Variants in NAA11 observed in about 807,000 individuals in gnomAD.
NAA11 encodes the protein N-alpha-acetyltransferase 11.
NAA11 carries 15 observed loss-of-function variants against 16.1 expected under a neutral mutation model. The observed-to-expected ratio is 0.93, with a 90% CI of 0.62 to 1.44. NAA11 has a LOEUF of 1.44. NAA11 is among the 40% of genes most tolerant of loss of function. NAA11 has a pLI of 0.00. For missense variants in NAA11, 298 were observed against 291.3 expected (o/e 1.02, Z -0.17); for synonymous variants, 122 against 112.4 (o/e 1.09, Z -0.54).
chr4:79,204,128 C>CT, the NAA11 span, among the ~76,000 whole-genome samples: 3 of 151,772 alleles, frequency 2.0e-5, no homozygotes, highest in South Asian at 6.2e-4. Flanking sequence ...AGCCCGCTTA[C>CT]TATATGACTT....
intron 2 of NAA11, among the ~76,000 whole-genome samples, chr4:79,226,602 C>G (rs144432842): frequency 0.014 from 1,886 of 131,362 alleles, 23 homozygotes; most frequent in Admixed American, 0.025. Context: ...CAACAGGCAC[C>G]AGTGGGTGAT....
chr4:79,185,533 A>G, the NAA11 span, among the ~76,000 whole-genome samples: 2 of 152,234 alleles, frequency 1.3e-5, no homozygotes. Flanking sequence ...ATGATCCTAT[A>G]ACTCTTTGGG....
intron 2 of NAA11, among the ~76,000 whole-genome samples, chr4:79,289,233 G>T (rs1210026989): frequency 1.3e-5 from 2 of 152,130 alleles, no homozygotes; most frequent in Non-Finnish European, 2.9e-5. Context: ...TCTCAGTTGT[G>T]ATTATAAAGC....
intron 2 of NAA11, among the ~76,000 whole-genome samples, chr4:79,274,478 T>G (rs1009611532): frequency 7.2e-5 from 11 of 152,098 alleles, no homozygotes; most frequent in Non-Finnish European, 1.3e-4. Flanking sequence ...AAGTTACTTG[T>G]TCTTAAAGGG....
the NAA11 span, among the ~76,000 whole-genome samples, chr4:79,156,313 A>ATGTG: frequency 3.4e-4 from 29 of 86,030 alleles, no homozygotes; most frequent in African/African-American, 6.8e-4. Context: ...ATGGGATGTG[A>ATGTG]TGTGTGTGTG....
intron 1 of NAA11, among the ~76,000 whole-genome samples, chr4:79,324,848 C>G (rs1054798650): frequency 5.3e-5 from 8 of 152,286 alleles, no homozygotes; most frequent in Admixed American, 4.6e-4. Flanking sequence ...ATCATTATTA[C>G]TAACTGGAAT....
chr4:79,293,808 T>A (rs1723146862), intron 2 of NAA11, among the ~76,000 whole-genome samples: 1 of 152,188 alleles, frequency 6.6e-6, no homozygotes, highest in Admixed American at 6.6e-5. Context: ...CCAAAATTCA[T>A]GTGTTGAAAA....
chr4:79,306,847 C>T (rs1311665033), intron 1 of NAA11: 1 of 152,140 alleles, frequency 6.6e-6, no homozygotes, highest in East Asian at 1.9e-4. Context: ...AGCAGCTGTT[C>T]AATGAACACA....
At chr4:79,318,217 T>TA (rs1218669909) in intron 1 of NAA11, among the ~76,000 whole-genome samples, 6 of 152,222 alleles carry the variant, frequency 3.9e-5, no homozygotes, top group African/African-American at 1.4e-4. Context: ...ATGAAAGGCC[T>TA]TTTTAGCTCT....
At chr4:79,224,660 G>T (rs932802855), downstream of NAA11, among the ~76,000 whole-genome samples, 8 of 152,080 alleles carry the variant, frequency 5.3e-5, no homozygotes, top group Non-Finnish European at 8.8e-5. Context: ...GAGTGCTCCA[G>T]AGAGAGGGAG....
chr4:79,210,014 C>T, the NAA11 span, among the ~76,000 whole-genome samples: 1 of 152,052 alleles, frequency 6.6e-6, no homozygotes, highest in Non-Finnish European at 1.5e-5. Flanking sequence ...CTGCTGCACT[C>T]CAGACTGGGT....
chr4:79,199,733 G>A, the NAA11 span, among the ~76,000 whole-genome samples: 1 of 151,830 alleles, frequency 6.6e-6, no homozygotes, highest in African/African-American at 2.4e-5. Context: ...TATAATTAGA[G>A]TTGATGCATA....
chr4:79,168,775 T>C, the NAA11 span, among the ~76,000 whole-genome samples: 2 of 152,208 alleles, frequency 1.3e-5, no homozygotes, highest in Non-Finnish European at 1.5e-5. Context: ...ATATTAGTCC[T>C]TTGTCAGATG....
chr4:79,291,122 T>C lies in NAA11; in HGVS notation c.*122+2883A>G, dbSNP rs567817621. 7.9e-5 allele frequency among the ~76,000 whole-genome samples: 12 copies of C among 152,304 alleles called. No homozygotes were observed. The South Asian group carries it at 2.1e-3, about 26-fold the overall frequency. ...GTAGTATTAGTTCTTATATAATTTA[T>C]TATCCAAGTTTTTGGTTTATTTTAA... On this transcript the variant is annotated intron_variant and NMD_transcript_variant, in intron 2 of 2. Transcript: ENST00000511542.
chr4:79,244,641 C>CATCTCCCGTCTCCG (rs1721766560), intron 2 of NAA11: 1 of 134,142 alleles, frequency 7.5e-6, no homozygotes, highest in African/African-American at 2.6e-5. Flanking sequence ...TCCCCCTCCC[C>CATCTCCCGTCTCCG]GTCTCCGTCT....
At chr4:79,293,865 G>A (rs1026456682) in intron 2 of NAA11, 2 of 152,156 alleles carry the variant, frequency 1.3e-5, no homozygotes, top group Non-Finnish European at 2.9e-5. Context: ...CTTTAAGAGA[G>A]GATTAGATCA....
chr4:79,172,474 G>A, the NAA11 span, among the ~76,000 whole-genome samples: 7 of 152,096 alleles, frequency 4.6e-5, no homozygotes, highest in African/African-American at 1.7e-4. Context: ...ACAGATGCCA[G>A]GCAGCTATTT....
chr4:79,261,941 A>C (rs1722250804), intron 2 of NAA11, among the ~76,000 whole-genome samples: 1 of 152,196 alleles, frequency 6.6e-6, no homozygotes, highest in Non-Finnish European at 1.5e-5. Flanking sequence ...TCCGTCTATA[A>C]TCTAGTGTTT....
At chr4:79,189,751 A>T in the NAA11 span, among the ~76,000 whole-genome samples, 1 of 152,184 alleles carries the variant, frequency 6.6e-6, no homozygotes, top group Non-Finnish European at 1.5e-5. Flanking sequence ...TTCTTGTCTA[A>T]GGGTTTGTTT....
Sources: allele counts gnomAD v4.1 joint callset (sites outside exome capture counted in the v4.1 genomes callset), GRCh38; gene constraint gnomAD v4.1.1; transcripts MANE v1.5; gene names NCBI Gene and HGNC (gene_info 2026-07-23, HGNC 2026-07-21).